Variants in HIPK2 observed in about 807,000 individuals in gnomAD.
The protein encoded by HIPK2 is homeodomain-interacting protein kinase 2.
In HIPK2, 27 loss-of-function variants were observed where a neutral mutation model predicts 113.7. That is an observed-to-expected ratio of 0.24 (90% confidence interval 0.17 to 0.33). HIPK2 has a LOEUF of 0.33. Among genes scored for constraint, HIPK2 ranks in the 10% least tolerant of loss-of-function variants. The pLI, the probability that HIPK2 is intolerant of heterozygous loss-of-function variation, is 1.00. For missense variants in HIPK2, 1,257 were observed against 1,588.0 expected (o/e 0.79, Z 3.54); for synonymous variants, 631 against 642.2 (o/e 0.98, Z 0.26).
intron 2 of HIPK2, among the ~76,000 whole-genome samples, chr7:139,658,113 C>A (rs557900391): frequency 2.6e-5 from 4 of 152,156 alleles, no homozygotes; most frequent in Non-Finnish European, 5.9e-5. Context: ...CTAGACCAGC[C>A]TGAGCAACAT....
chr7:139,589,952 G>C (rs372110849), intron 12 of HIPK2, among the ~76,000 whole-genome samples: 39 of 152,288 alleles, frequency 2.6e-4, no homozygotes, highest in African/African-American at 8.7e-4. Flanking sequence ...GAATTCATTT[G>C]CTAGCTGTTT....
intron 2 of HIPK2, among the ~76,000 whole-genome samples, chr7:139,704,125 C>A (rs1314439055): frequency 1.4e-5 from 2 of 139,516 alleles, no homozygotes; most frequent in Non-Finnish European, 3.1e-5. Flanking sequence ...ACACACCACA[C>A]ACACACCACA....
chr7:139,606,643 C>G (rs1397449503), intron 9 of HIPK2, among the ~76,000 whole-genome samples: 1 of 152,182 alleles, frequency 6.6e-6, no homozygotes, highest in Non-Finnish European at 1.5e-5. Flanking sequence ...CCACTCCCCG[C>G]CCCAAAGCAG....
chr7:139,681,491 C>A (rs140167544), intron 2 of HIPK2, among the ~76,000 whole-genome samples: 1 of 152,190 alleles, frequency 6.6e-6, no homozygotes, highest in Non-Finnish European at 1.5e-5. Context: ...GGAACCCCTG[C>A]TGTTTTCTAT....
chr7:139,625,194 C>T (rs1321931513), intron 6 of HIPK2, among the ~76,000 whole-genome samples: 1 of 152,186 alleles, frequency 6.6e-6, no homozygotes, highest in Non-Finnish European at 1.5e-5. Flanking sequence ...CCTCCCCAGT[C>T]ACCCCTCTAT....
In HIPK2 at chr7:139,719,695, A is replaced by G. The variant is rs111545330; in HGVS notation, c.20-2680T>C. On this transcript the variant is annotated intron_variant, in intron 1 of 14. Coordinates refer to ENST00000406875, the MANE Select transcript of HIPK2 (RefSeq NM_022740.5). ...CTAGTCACTTGGCTCCAAAACTATG[A>G]ACTATGATGGTTCTTCTTTACATTC... 1.8e-3 allele frequency among the ~76,000 whole-genome samples: 279 copies of G among 152,338 alleles called. 2 individuals are homozygous for G. The highest frequency in any genetic ancestry group is 6.5e-3 in the African/African-American group (271 of 41,576).
chr7:139,615,779 T>G (rs1190198426), intron 7 of HIPK2, among the ~76,000 whole-genome samples: 1 of 152,266 alleles, frequency 6.6e-6, no homozygotes, highest in Non-Finnish European at 1.5e-5. Context: ...TTTTCTATAC[T>G]TAGATTTTGT....
rs1397987531 is a variant in HIPK2, at chr7:139,583,977, G to A, written c.2805C>T (p.Pro935=). 6.2e-7 allele frequency: 1 copy of A among 1,614,054 alleles called. No homozygotes were observed. The highest frequency in any genetic ancestry group is 1.1e-5 in the South Asian group (1 of 91,088). Residue 935 remains proline, a synonymous_variant, in exon 13 of 15, where the codon CCC becomes CCT. Coordinates refer to ENST00000406875, the MANE Select transcript of HIPK2 (RefSeq NM_022740.5). ...GCCCAGCACGCTGCTGCACGGAGTA[G>A]GGGCTGGTGTTGCTGGAGGAGTCGG... The part of the protein sequence containing the change: ...PYSDSSSNTS[P]YSVQQRAGHN...
rs1798011979 is a variant in HIPK2, at chr7:139,563,699, TATTTTACAGTAAC to T, written c.*9215_*9227del. 7.5e-6 allele frequency: 3 copies of T among 397,370 alleles called. No homozygotes were observed. Among genetic ancestry groups the T allele is most frequent in the East Asian group, 3.6e-5 (1 of 28,050 alleles). The allele number at this position is 397,370 out of a possible 1,614,324, so 24.6% of individuals were successfully genotyped here. A position where few individuals can be genotyped will look rare whatever the true frequency, so the allele number is the denominator to read the frequency against. ...TGATTAGGAGGGGTGAGATGAAAAC[TATTTTACAGTAAC>T]ATTTCCACCAAAAGACTGTCCTAAG... On this transcript the variant is annotated 3_prime_UTR_variant, in exon 15 of 15. Coordinates refer to ENST00000406875, the MANE Select transcript of HIPK2 (RefSeq NM_022740.5).
chr7:139,742,924 T>G (rs1796128561), intron 1 of HIPK2, among the ~76,000 whole-genome samples: 1 of 152,162 alleles, frequency 6.6e-6, no homozygotes, highest in South Asian at 2.1e-4. Context: ...TGAGGAACAA[T>G]CAATAACGTC....
At chr7:139,761,825 C>T (rs557922724) in intron 1 of HIPK2, among the ~76,000 whole-genome samples, 1 of 151,816 alleles carries the variant, frequency 6.6e-6, no homozygotes, top group African/African-American at 2.4e-5. Context: ...GACTGTCATC[C>T]AAAAAAATCA....
chr7:139,698,825 G>C (rs2096195573), intron 2 of HIPK2, among the ~76,000 whole-genome samples: 1 of 152,068 alleles, frequency 6.6e-6, no homozygotes, highest in Non-Finnish European at 1.5e-5. Context: ...TCCTTGACCA[G>C]GACTAACACC....
rs970072725 is a variant in HIPK2, at chr7:139,716,303, C to A, written c.732G>T (p.Val244=). The A allele has an allele frequency of 1.9e-6, 3 of 1,614,074 alleles. No homozygotes were observed. Among genetic ancestry groups the A allele is most frequent in the East Asian group, 4.5e-5 (2 of 44,884 alleles). ...CCGTGCTCAACCGGGCCAGGATGCT[C>A]ACTTCAATCTGACCTTGTCGGGCAT... ...PSYARQGQIE[V]SILARLSTES... The change falls in exon 2 of 15, where the codon GTG becomes GTT. Residue 244 remains valine, a synonymous_variant. Coordinates refer to ENST00000406875, the MANE Select transcript of HIPK2 (RefSeq NM_022740.5). The surrounding 1 kb of genome is among the most constrained non-coding windows in gnomAD (Gnocchi z 9.3).
intron 1 of HIPK2, among the ~76,000 whole-genome samples, chr7:139,717,895 C>A (rs1795295727): frequency 6.6e-6 from 1 of 151,616 alleles, no homozygotes; most frequent in South Asian, 2.1e-4. Flanking sequence ...AGGTTCCTGC[C>A]ACCACGCCCG....
In HIPK2 at chr7:139,714,045, C is replaced by T. The variant is rs540946210; in HGVS notation, c.1103+1887G>A. 6.6e-5 allele frequency among the ~76,000 whole-genome samples: 10 copies of T among 152,260 alleles called. No homozygotes were observed. Among genetic ancestry groups the T allele is most frequent in the East Asian group, 5.8e-4 (3 of 5,186 alleles). On this transcript the variant is annotated intron_variant, in intron 2 of 14. Transcript: ENST00000406875. This position sits in a 1 kb window ranked among gnomAD's most constrained non-coding sequence, Gnocchi z 4.2. ...TCCCTGCCATTGGCTCTGGGGCCAG[C>T]GGGGCACAGAGTGGATGGCCTGGTC... is the stretch of plus-strand genomic sequence containing the variant.
In HIPK2 at chr7:139,629,024, C is replaced by T; in HGVS notation, c.1363G>A (p.Glu455Lys). 6.3e-7 allele frequency: 1 copy of T among 1,590,986 alleles called. No individual in the cohort carries two copies. The highest frequency in any genetic ancestry group is 8.6e-7 in the Non-Finnish European group (1 of 1,166,716). ...TTTGACTTAATCCCTGTCTCTGCTT[C>T]ATGGTCATCTGGTGTCTGTCAAGAG... ...LWRLKTPDDH[E>K]AETGIKSKEA... The change falls in exon 5 of 15, where the codon GAA (glutamate) becomes AAA (lysine). Residue 455 changes from glutamate to lysine, a missense_variant. Physicochemically the swap from Glu to Lys is moderately conservative, Grantham distance 56 (BLOSUM62 1). This residue lies in a region of HIPK2 where 862 missense variants were observed against 1,004.3 expected (regional missense o/e 0.86). Coordinates refer to ENST00000406875, the MANE Select transcript of HIPK2 (RefSeq NM_022740.5).
intron 2 of HIPK2, among the ~76,000 whole-genome samples, chr7:139,648,555 T>C (rs531385013): frequency 1.5e-4 from 23 of 152,360 alleles, no homozygotes; most frequent in African/African-American, 5.0e-4. Flanking sequence ...CCCCCCGGGA[T>C]AGCATCAATA....
chr7:139,616,080 T>C (rs1040874075), intron 7 of HIPK2, among the ~76,000 whole-genome samples: 4 of 152,080 alleles, frequency 2.6e-5, no homozygotes, highest in Admixed American at 2.0e-4. Context: ...CCCCAGCCCT[T>C]AGCCCCTGTG....
intron 13 of HIPK2, among the ~76,000 whole-genome samples, chr7:139,581,769 C>T (rs1023329088): frequency 2.0e-5 from 3 of 152,166 alleles, no homozygotes; most frequent in Admixed American, 6.5e-5. Context: ...CGGTATTGAA[C>T]GCCACTGGCT....
Sources: allele counts gnomAD v4.1 joint callset (sites outside exome capture counted in the v4.1 genomes callset), GRCh38; gene constraint gnomAD v4.1.1; regional missense constraint gnomAD v4.1.1; non-coding constraint Gnocchi (gnomAD v3.1); transcripts MANE v1.5; gene names NCBI Gene and HGNC (gene_info 2026-07-23, HGNC 2026-07-21).